GABRA3: variants seen among roughly 807,000 people sequenced by gnomAD.
The protein encoded by GABRA3 is gamma-aminobutyric acid type A receptor subunit alpha3.
Under a neutral mutation model 30.1 loss-of-function variants are expected in GABRA3, and 10 were observed. The observed-to-expected ratio is 0.33, with a 90% CI of 0.20 to 0.56. The LOEUF is 0.56. Ranked by LOEUF, GABRA3 falls within the 20% of genes least tolerant of loss-of-function variation. The pLI is 0.89. For synonymous variants in GABRA3, 151 were observed against 146.8 expected (o/e 1.03, Z -0.21); for missense variants, 233 against 392.0 (o/e 0.59, Z 3.42).
chrX:152,244,886 C>T (rs768172093), intron 5 of GABRA3, among the ~76,000 whole-genome samples: 1 of 111,704 alleles, frequency 9.0e-6, no homozygotes, highest in East Asian at 2.8e-4. Context: ...CCTAAATTAA[C>T]TGCCCCACAG....
chrX:152,298,523 C>T (rs1423480114), intron 3 of GABRA3, among the ~76,000 whole-genome samples: 5 of 109,949 alleles, frequency 4.5e-5, no homozygotes, highest in Non-Finnish European at 9.5e-5. Context: ...TGGTTTCCAG[C>T]TTCATCCATG....
At chrX:152,287,528 G>T (rs918608381) in intron 3 of GABRA3, among the ~76,000 whole-genome samples, 1 of 111,448 alleles carries the variant, frequency 9.0e-6, no homozygotes. Flanking sequence ...CACAGTGATT[G>T]TAAGTTTCTT....
chrX:152,451,227 C>T lies in GABRA3; in HGVS notation c.-108G>A, dbSNP rs2124559412. On this transcript the variant is annotated 5_prime_UTR_variant, in exon 1 of 10. Coordinates refer to ENST00000370314, the MANE Select transcript of GABRA3 (RefSeq NM_000808.4). ...GAGGTTGAGCCCTGACAGAGCTCGGCTTCTGGCTTCTTCTTCTCTCTCTGG... is the reference window on the plus strand; with the variant it reads ...GAGGTTGAGCCCTGACAGAGCTCGGTTTCTGGCTTCTTCTTCTCTCTCTGG... 9.0e-6 allele frequency: 1 copy of T among 111,509 alleles called. No homozygotes were observed. Among genetic ancestry groups the T allele is most frequent in the South Asian group, 3.8e-4 (1 of 2,599 alleles). 9.2% of individuals were successfully genotyped at this position (111,509 alleles called of 1,213,427 possible).
chrX:152,333,047 T>C (rs1940186293), intron 3 of GABRA3, among the ~76,000 whole-genome samples: 1 of 111,929 alleles, frequency 8.9e-6, no homozygotes, highest in African/African-American at 3.2e-5. Context: ...GAGCTGAGAA[T>C]TGGCCATTGT....
At chrX:152,326,789 C>T (rs1940067302) in intron 3 of GABRA3, among the ~76,000 whole-genome samples, 1 of 111,335 alleles carries the variant, frequency 9.0e-6, no homozygotes, top group African/African-American at 3.3e-5. Context: ...AGAAAAACTG[C>T]ATCAACTAAC....
chrX:152,311,838 TAA>T (rs199954592), intron 3 of GABRA3, among the ~76,000 whole-genome samples: 22,738 of 103,703 alleles, frequency 0.22, 2,239 homozygotes, highest in African/African-American at 0.39. Flanking sequence ...CTAGAGCTGA[TAA>T]AAAAAAAAAC....
intron 1 of GABRA3, among the ~76,000 whole-genome samples, chrX:152,420,047 GA>G (rs1378070041): frequency 2.7e-5 from 3 of 111,189 alleles, no homozygotes; most frequent in African/African-American, 6.5e-5. Context: ...AATAGATGTA[GA>G]AAAAAAATCT....
chrX:152,223,076 C>T (rs769181480), intron 6 of GABRA3, among the ~76,000 whole-genome samples: 1 of 111,697 alleles, frequency 9.0e-6, no homozygotes, highest in Admixed American at 9.5e-5. Flanking sequence ...TTCTTCTCAT[C>T]CACCAGTATG....
At chrX:152,293,820 G>A in intron 3 of GABRA3, among the ~76,000 whole-genome samples, 1 of 111,024 alleles carries the variant, frequency 9.0e-6, no homozygotes, top group Non-Finnish European at 1.9e-5. Context: ...AGGCAGGCCT[G>A]GTGGTGAAAA....
rs180788523 is a variant in GABRA3, at chrX:152,273,198, C to T, written c.330+11470G>A. ...CAGGTGTATGAAAAACGCTCAACAT[C>T]ACTAATCATCAAGGAAATGCAAAAC... is the stretch of plus-strand genomic sequence containing the variant. On this transcript the variant is annotated intron_variant, in intron 4 of 9. Coordinates refer to ENST00000370314, the MANE Select transcript of GABRA3 (RefSeq NM_000808.4). Among the ~76,000 whole-genome samples the T allele has an allele frequency of 4.5e-5, 5 of 112,237 alleles. No homozygotes were observed. In the East Asian group the frequency reaches 1.4e-3, roughly 31 times the overall value.
chrX:152,225,678 ATTTT>A (rs778734899), intron 5 of GABRA3, among the ~76,000 whole-genome samples: 1 of 101,563 alleles, frequency 9.8e-6, no homozygotes, highest in Admixed American at 1.1e-4. Flanking sequence ...TCCCCTTCTG[ATTTT>A]TTTTTTTTTA....
At chrX:152,199,245 A>G (rs1237300636) in intron 7 of GABRA3, among the ~76,000 whole-genome samples, 21 of 105,683 alleles carry the variant, frequency 2.0e-4, no homozygotes, top group Non-Finnish European at 3.8e-4. Flanking sequence ...GGGCACCTGT[A>G]GTCCCAGATA....
intron 3 of GABRA3, among the ~76,000 whole-genome samples, chrX:152,338,423 T>C (rs1217189055): frequency 8.9e-6 from 1 of 112,170 alleles, no homozygotes; most frequent in Non-Finnish European, 1.9e-5. Flanking sequence ...TTATATATTC[T>C]AGTTGTTAAT....
intron 3 of GABRA3, among the ~76,000 whole-genome samples, chrX:152,325,718 C>T (rs181775213): frequency 6.6e-4 from 74 of 111,690 alleles, no homozygotes; most frequent in African/African-American, 2.2e-3. Flanking sequence ...CAAAGACCAA[C>T]GGTAGATAAA....
At chrX:152,350,295 G>A (rs9698758) in intron 2 of GABRA3, among the ~76,000 whole-genome samples, 5 of 91,980 alleles carry the variant, frequency 5.4e-5, no homozygotes, top group Admixed American at 2.4e-4. Context: ...TCTCTGGGAC[G>A]CATTCAAAGC....
At chrX:152,346,730 T>C (rs1160898796) in intron 2 of GABRA3, among the ~76,000 whole-genome samples, 8 of 112,182 alleles carry the variant, frequency 7.1e-5, no homozygotes, top group Non-Finnish European at 1.9e-5. Flanking sequence ...CAAACAGGCA[T>C]ATGAAAAGGT....
chrX:152,179,652 A>G lies in GABRA3; in HGVS notation c.1143+10078T>C, dbSNP rs1194937009. On this transcript the variant is annotated intron_variant, in intron 9 of 9. Transcript: ENST00000370314. ...TGGGACTACAGGCGCCCGCCACCAC[A>G]CCTGGCTAATTTTTTGTATTTTTAG... Among the ~76,000 whole-genome samples, 3 of 109,157 alleles carry G rather than the reference A, an allele frequency of 2.7e-5. No homozygotes were observed. The South Asian group carries it at 1.2e-3, about 44-fold the overall frequency. The allele number at this position is 109,157 out of a possible 115,157, so 94.8% of individuals were successfully genotyped here. A position where few individuals can be genotyped will look rare whatever the true frequency, so the allele number is the denominator to read the frequency against.
intron 7 of GABRA3, among the ~76,000 whole-genome samples, chrX:152,207,035 C>A (rs992675595): frequency 8.9e-6 from 1 of 111,997 alleles, no homozygotes; most frequent in South Asian, 3.7e-4. Flanking sequence ...TTTCCCCACA[C>A]TAATTCTAGA....
At chrX:152,320,534 G>T (rs1464108512) in intron 3 of GABRA3, among the ~76,000 whole-genome samples, 5 of 111,022 alleles carry the variant, frequency 4.5e-5, no homozygotes, top group African/African-American at 1.6e-4. Flanking sequence ...AGGATGCAAA[G>T]GTGTAAGAAT....
Sources: allele counts gnomAD v4.1 joint callset (sites outside exome capture counted in the v4.1 genomes callset), GRCh38; gene constraint gnomAD v4.1.1; transcripts MANE v1.5; gene names NCBI Gene and HGNC (gene_info 2026-07-23, HGNC 2026-07-21).